Variants in TMEM164 observed in about 807,000 individuals in gnomAD.
TMEM164 encodes the protein RP13-360B22.2.
Under a neutral mutation model 18.8 loss-of-function variants are expected in TMEM164, and 4 were observed. The observed-to-expected ratio is 0.21, with a 90% CI of 0.10 to 0.49. The LOEUF is 0.49. Among genes scored for constraint, TMEM164 ranks in the 20% least tolerant of loss-of-function variants. TMEM164 has a pLI of 0.98. For synonymous variants in TMEM164, 86 were observed against 101.7 expected (o/e 0.85, Z 0.93); for missense variants, 108 against 239.9 (o/e 0.45, Z 3.63).
intron 4 of TMEM164, among the ~76,000 whole-genome samples, chrX:110,138,385 T>C (rs772045515): frequency 8.9e-6 from 1 of 112,221 alleles, no homozygotes; most frequent in East Asian, 2.8e-4. Flanking sequence ...GGAGACAGAA[T>C]TTCAATCTCA....
At chrX:110,098,645 T>G (rs1160028512) in intron 3 of TMEM164, among the ~76,000 whole-genome samples, 2 of 111,761 alleles carry the variant, frequency 1.8e-5, no homozygotes, top group Non-Finnish European at 3.8e-5. Flanking sequence ...GCAATTCAGA[T>G]GAGAAGTGGC....
chrX:110,062,260 G>A (rs1936153708), intron 2 of TMEM164, among the ~76,000 whole-genome samples: 1 of 112,089 alleles, frequency 8.9e-6, no homozygotes, highest in Non-Finnish European at 1.9e-5. Context: ...AACAGTCAAA[G>A]TGCACAGATG....
At chrX:110,169,797 C>T (rs780583753) in intron 5 of TMEM164, among the ~76,000 whole-genome samples, 1 of 112,109 alleles carries the variant, frequency 8.9e-6, no homozygotes, top group Non-Finnish European at 1.9e-5. Context: ...GTGCACATCC[C>T]TTCAGGGCAA....
intron 2 of TMEM164, among the ~76,000 whole-genome samples, chrX:110,024,196 C>T (rs1934070803): frequency 8.9e-6 from 1 of 112,376 alleles, no homozygotes; most frequent in Non-Finnish European, 1.9e-5. Flanking sequence ...TCTGTTTTCC[C>T]TTGTGAATTT....
intron 3 of TMEM164, among the ~76,000 whole-genome samples, chrX:110,069,758 G>T (rs1387159875): frequency 3.7e-5 from 4 of 109,573 alleles, no homozygotes; most frequent in African/African-American, 1.3e-4. Flanking sequence ...CCATATAATT[G>T]TTTGCATTTT....
Position 110,021,282 on chromosome X carries a change from GCAACTGAGAAAA to G in TMEM164, c.390+17121_390+17132del, listed in dbSNP as rs766752409. Reference sequence around the variant, plus strand: ...AAGCCAACTCACGAGAGAACATTTGGCAACTGAGAAAACATCATGTGTTTTGGAGGCTGTGCC... The same window carrying G: ...AAGCCAACTCACGAGAGAACATTTGGCATCATGTGTTTTGGAGGCTGTGCC... On this transcript the variant is annotated intron_variant, in intron 2 of 6. Coordinates refer to ENST00000372068, the MANE Select transcript of TMEM164 (RefSeq NM_032227.4). Among the ~76,000 whole-genome samples the G allele has an allele frequency of 1.2e-4, 13 of 111,808 alleles. No individual in the cohort carries two copies. In the East Asian group the frequency reaches 2.2e-3, roughly 19 times the overall value.
intron 3 of TMEM164, among the ~76,000 whole-genome samples, chrX:110,091,055 G>A (rs1272809765): frequency 9.0e-6 from 1 of 111,476 alleles, no homozygotes; most frequent in Non-Finnish European, 1.9e-5. Context: ...TTTTATGGCT[G>A]CATAGTATTC....
At chrX:110,130,586 A>T (rs1324011748) in intron 4 of TMEM164, among the ~76,000 whole-genome samples, 1 of 111,308 alleles carries the variant, frequency 9.0e-6, no homozygotes, top group Admixed American at 9.6e-5. Context: ...TCATTTCTAT[A>T]TGAAAATATT....
At chrX:110,086,513 A>T in intron 3 of TMEM164, among the ~76,000 whole-genome samples, 1 of 110,820 alleles carries the variant, frequency 9.0e-6, no homozygotes, top group Non-Finnish European at 1.9e-5. Context: ...TCATGGTTAC[A>T]CAACAGTGTG....
intron 3 of TMEM164, among the ~76,000 whole-genome samples, chrX:110,095,983 C>T (rs960647843): frequency 1.4e-4 from 16 of 112,398 alleles, no homozygotes; most frequent in Non-Finnish European, 2.4e-4. Context: ...GTATCACCAG[C>T]GGAGGCTGCA....
intron 2 of TMEM164, among the ~76,000 whole-genome samples, chrX:110,064,022 G>A (rs1214757853): frequency 9.0e-6 from 1 of 111,421 alleles, no homozygotes; most frequent in Non-Finnish European, 1.9e-5. Context: ...TCATCAGAAA[G>A]CTTGTCAGAA....
chrX:110,094,042 G>A lies in TMEM164; in HGVS notation c.441-15038G>A, dbSNP rs779213075. The stretch of plus-strand genomic sequence containing the variant: ...TGAGTTCTAGTTTGATTGCACTGTG[G>A]TCTGAGAGACAGTTTGTTATAATTT... On this transcript the variant is annotated intron_variant, in intron 3 of 6. Transcript: ENST00000372068. Among the ~76,000 whole-genome samples the A allele has an allele frequency of 4.4e-3, 491 of 111,548 alleles. 17 individuals are homozygous for A. Among genetic ancestry groups the A allele is most frequent in the South Asian group, 0.027 (72 of 2,679 alleles).
At chrX:110,055,482 A>G (rs1474001574) in intron 2 of TMEM164, 1 of 173,209 alleles carries the variant, frequency 5.8e-6, no homozygotes, top group African/African-American at 3.2e-5. Flanking sequence ...TCATCAAGGT[A>G]CCAGTTTGGG....
intron 3 of TMEM164, among the ~76,000 whole-genome samples, chrX:110,079,428 C>T (rs764052896): frequency 4.5e-5 from 5 of 112,217 alleles, no homozygotes; most frequent in South Asian, 3.7e-4. Flanking sequence ...TTGCTTTGAC[C>T]GGACCACTTT....
chrX:110,046,143 A>G, intron 2 of TMEM164: 2 of 754,551 alleles, frequency 2.7e-6, no homozygotes, highest in Non-Finnish European at 3.1e-6. Context: ...TACGGGGAAC[A>G]GTGGAAAAAC....
chrX:110,005,980 T>A (rs1377917909), intron 2 of TMEM164, among the ~76,000 whole-genome samples: 1 of 111,142 alleles, frequency 9.0e-6, no homozygotes, highest in East Asian at 2.8e-4. Context: ...AACACCATGG[T>A]TTTTAGAAGC....
chrX:110,072,167 G>T (rs1471568767), intron 3 of TMEM164, among the ~76,000 whole-genome samples: 1 of 108,248 alleles, frequency 9.2e-6, no homozygotes, highest in Non-Finnish European at 1.9e-5. Flanking sequence ...TGGGTGTGGT[G>T]GCAGGTGCCT....
intron 2 of TMEM164, among the ~76,000 whole-genome samples, chrX:110,033,684 A>G (rs1934626165): frequency 9.0e-6 from 1 of 111,275 alleles, no homozygotes; most frequent in Non-Finnish European, 1.9e-5. Context: ...GGTCTTCTTC[A>G]TCGGGTTCTG....
chrX:110,118,153 T>G (rs2066399079), intron 4 of TMEM164, among the ~76,000 whole-genome samples: 1 of 112,389 alleles, frequency 8.9e-6, no homozygotes, highest in African/African-American at 3.2e-5. Context: ...CCTCAAATGA[T>G]CCACCTGCCT....
Sources: allele counts gnomAD v4.1 joint callset (sites outside exome capture counted in the v4.1 genomes callset), GRCh38; gene constraint gnomAD v4.1.1; transcripts MANE v1.5; gene names NCBI Gene and HGNC (gene_info 2026-07-23, HGNC 2026-07-21).